Variants in LRRTM4 observed in about 807,000 individuals in gnomAD.
LRRTM4 encodes the protein leucine rich repeat transmembrane neuronal 4, also known as leucine-rich repeat transmembrane neuronal protein 4.
A neutral mutation model predicts 47.6 loss-of-function variants in LRRTM4; 25 were observed. That is an observed-to-expected ratio of 0.53 (90% CI 0.38 to 0.73). The LOEUF is 0.73. Ranked by LOEUF, LRRTM4 falls within the 30% of genes least tolerant of loss-of-function variation. The pLI is 0.00. For missense variants in LRRTM4, 638 were observed against 713.4 expected (o/e 0.89, Z 1.20); for synonymous variants, 311 against 269.5 (o/e 1.15, Z -1.51).
intron 3 of LRRTM4, among the ~76,000 whole-genome samples, chr2:77,271,292 T>C (rs918030031): frequency 6.6e-6 from 1 of 152,168 alleles, no homozygotes; most frequent in Non-Finnish European, 1.5e-5. Context: ...GAGATGAGGC[T>C]AGGGGCCAAC....
chr2:77,337,205 T>G (rs1671198891), intron 3 of LRRTM4, among the ~76,000 whole-genome samples: 1 of 152,116 alleles, frequency 6.6e-6, no homozygotes, highest in Admixed American at 6.6e-5. Flanking sequence ...AAAACACTTC[T>G]GAAGGAAATC....
intron 3 of LRRTM4, among the ~76,000 whole-genome samples, chr2:77,122,341 T>C (rs1671540179): frequency 1.3e-5 from 2 of 151,534 alleles, no homozygotes; most frequent in Non-Finnish European, 3.0e-5. Context: ...TGATCCTACA[T>C]TTTTGTCTTT....
chr2:77,116,517 T>C (rs1175888654), intron 3 of LRRTM4, among the ~76,000 whole-genome samples: 4 of 152,106 alleles, frequency 2.6e-5, no homozygotes, highest in Non-Finnish European at 4.4e-5. Flanking sequence ...TTTAGCAAAC[T>C]AATATTTTAG....
chr2:76,935,513 CTCTTT>C (rs1278147695), intron 3 of LRRTM4, among the ~76,000 whole-genome samples: 7 of 152,008 alleles, frequency 4.6e-5, no homozygotes, highest in Non-Finnish European at 8.8e-5. Context: ...TGTTTGTGTC[CTCTTT>C]TATTTCCTTG....
intron 3 of LRRTM4, among the ~76,000 whole-genome samples, chr2:77,176,018 T>C (rs540734375): frequency 6.6e-6 from 1 of 151,626 alleles, no homozygotes; most frequent in Non-Finnish European, 1.5e-5. Context: ...AGGGCCTACA[T>C]GTGAACAAGT....
chr2:77,297,578 G>A (rs1226177707), intron 3 of LRRTM4, among the ~76,000 whole-genome samples: 2 of 152,140 alleles, frequency 1.3e-5, no homozygotes, highest in Non-Finnish European at 2.9e-5. Flanking sequence ...TTGGACCCAG[G>A]GATTAATTAA....
intron 3 of LRRTM4, among the ~76,000 whole-genome samples, chr2:76,872,411 T>G (rs907153941): frequency 5.3e-5 from 8 of 151,998 alleles, no homozygotes; most frequent in Non-Finnish European, 8.8e-5. Context: ...TACTCCCTAC[T>G]TGGCTATATT....
chr2:77,350,054 G>T (rs1382285039), intron 3 of LRRTM4, among the ~76,000 whole-genome samples: 1 of 151,808 alleles, frequency 6.6e-6, no homozygotes, highest in Non-Finnish European at 1.5e-5. Flanking sequence ...CGGGCGCGGT[G>T]GCTCACGCCT....
At chr2:77,061,699 T>C (rs1679791078) in intron 3 of LRRTM4, among the ~76,000 whole-genome samples, 1 of 152,186 alleles carries the variant, frequency 6.6e-6, no homozygotes, top group Non-Finnish European at 1.5e-5. Flanking sequence ...TAGTTTTCCA[T>C]TATCCTCCAT....
At chr2:77,242,837 A>T (rs1470070046) in intron 3 of LRRTM4, among the ~76,000 whole-genome samples, 1 of 152,178 alleles carries the variant, frequency 6.6e-6, no homozygotes, top group East Asian at 1.9e-4. Context: ...TTGAAAGTAG[A>T]ATTACCCTAT....
intron 3 of LRRTM4, among the ~76,000 whole-genome samples, chr2:76,902,408 A>G (rs1305362293): frequency 6.6e-6 from 1 of 152,222 alleles, no homozygotes; most frequent in Admixed American, 6.5e-5. Flanking sequence ...ACATATTTTC[A>G]ACAATGACCT....
intron 3 of LRRTM4, among the ~76,000 whole-genome samples, chr2:76,951,886 G>A (rs139126506): frequency 1.0e-3 from 152 of 151,984 alleles, no homozygotes; most frequent in Non-Finnish European, 2.1e-3. Context: ...GCAGTGTTTA[G>A]TTTTCTGTTC....
intron 3 of LRRTM4, among the ~76,000 whole-genome samples, chr2:77,277,757 TCA>T (rs1182037441): frequency 1.3e-5 from 2 of 152,016 alleles, no homozygotes; most frequent in African/African-American, 4.8e-5. Context: ...TACAAATGAC[TCA>T]CACCATACAT....
chr2:77,447,769 A>T (rs1364561128), intron 3 of LRRTM4, among the ~76,000 whole-genome samples: 1 of 152,164 alleles, frequency 6.6e-6, no homozygotes. Flanking sequence ...TTGCACAATT[A>T]TGCAGAGCAC....
chr2:76,894,202 C>T (rs1673339168), intron 3 of LRRTM4, among the ~76,000 whole-genome samples: 1 of 151,798 alleles, frequency 6.6e-6, no homozygotes, highest in Admixed American at 6.6e-5. Flanking sequence ...CAGTAGTTTC[C>T]CTCAGAAAGC....
chr2:77,246,133 A>C (rs950385064), intron 3 of LRRTM4, among the ~76,000 whole-genome samples: 1 of 152,162 alleles, frequency 6.6e-6, no homozygotes, highest in African/African-American at 2.4e-5. Context: ...TCTAGATATA[A>C]ACATTTGCAA....
intron 3 of LRRTM4, among the ~76,000 whole-genome samples, chr2:76,952,527 C>A (rs1467250739): frequency 6.6e-6 from 1 of 151,680 alleles, no homozygotes; most frequent in African/African-American, 2.4e-5. Context: ...ATTAATAAAA[C>A]GTCAAAAAAG....
chr2:77,408,443 C>G (rs1796454), intron 3 of LRRTM4, among the ~76,000 whole-genome samples: 71,749 of 152,066 alleles, frequency 0.47, 17,098 homozygotes, highest in East Asian at 0.6. Context: ...GTCATTAAAA[C>G]ACGCTGCTTC....
chr2:76,824,705 G>T (rs892565592), intron 3 of LRRTM4, among the ~76,000 whole-genome samples: 4 of 150,822 alleles, frequency 2.7e-5, no homozygotes, highest in African/African-American at 9.8e-5. Context: ...TTGAAACACC[G>T]CAAAGGAGTG....
Sources: allele counts gnomAD v4.1 joint callset (sites outside exome capture counted in the v4.1 genomes callset), GRCh38; gene constraint gnomAD v4.1.1; transcripts MANE v1.5; gene names NCBI Gene and HGNC (gene_info 2026-07-23, HGNC 2026-07-21).